The following COL9A1 variants were observed in gnomAD, a reference collection of about 807,000 sequenced individuals.
The protein encoded by COL9A1 is collagen type IX alpha 1 chain, also known as collagen alpha-1(IX) chain.
A neutral mutation model predicts 142.6 loss-of-function variants in COL9A1; 104 were observed. The ratio of observed to expected loss-of-function variants is 0.73; its 90% CI spans 0.62 to 0.86. The LOEUF (loss-of-function observed/expected upper bound fraction) is 0.86. Among genes scored for constraint, COL9A1 ranks in the 40% least tolerant of loss-of-function variants. The pLI is 0.00. For synonymous variants in COL9A1, 466 were observed against 396.0 expected (o/e 1.18, Z -2.10); for missense variants, 1,210 against 1,176.6 (o/e 1.03, Z -0.42).
chr6:70,293,033 GA>G (rs1308629578), intron 5 of COL9A1, among the ~76,000 whole-genome samples: 13 of 152,274 alleles, frequency 8.5e-5, no homozygotes, highest in African/African-American at 3.1e-4. Context: ...TTCTTCCCTT[GA>G]AAACAAGTTA....
At chr6:70,221,990 C>T (rs1768907309) in intron 37 of COL9A1, among the ~76,000 whole-genome samples, 1 of 152,142 alleles carries the variant, frequency 6.6e-6, no homozygotes, top group Admixed American at 6.5e-5. Context: ...AATTATGGGA[C>T]ATGCTCAATT....
At chr6:70,266,832 T>C in intron 17 of COL9A1, 62 bp from the exon 18 acceptor site, 1 of 1,365,688 alleles carries the variant, frequency 7.3e-7, no homozygotes, top group South Asian at 1.2e-5. Context: ...AGAAGGCTCA[T>C]AAAGTGATCC....
intron 19 of COL9A1, among the ~76,000 whole-genome samples, chr6:70,261,916 A>G (rs1771715032): frequency 6.6e-6 from 1 of 152,180 alleles, no homozygotes; most frequent in Non-Finnish European, 1.5e-5. Flanking sequence ...ATATTTGTGC[A>G]TGTACATTTA....
intron 37 of COL9A1, among the ~76,000 whole-genome samples, chr6:70,220,148 A>G (rs907567379): frequency 2.0e-5 from 3 of 152,204 alleles, no homozygotes; most frequent in Non-Finnish European, 2.9e-5. Flanking sequence ...TGTCATCATC[A>G]TCATCATCAT....
intron 21 of COL9A1, 86 bp downstream of exon 21, chr6:70,256,682 A>G: frequency 4.8e-6 from 5 of 1,048,278 alleles, no homozygotes; most frequent in Admixed American, 2.1e-5. Flanking sequence ...TTAATTATTC[A>G]CACATAAACA....
At position 70,295,419 on chromosome 6, in the gene COL9A1, T is replaced by A. The variant is rs553060966; in HGVS notation, c.300-856A>T. Among the ~76,000 whole-genome samples the A allele has an allele frequency of 4.0e-5, 6 of 150,432 alleles. No individual in the cohort carries two copies. The South Asian group carries it at 1.3e-3, about 32-fold the overall frequency. On this transcript the variant is annotated intron_variant, in intron 4 of 37. Coordinates refer to ENST00000357250, the MANE Select transcript of COL9A1 (RefSeq NM_001851.6). ...CTCCTGCCTCAGCCTTCCAAGTAGG[T>A]GGGATTACAGGCGCCCACCATTATG...
rs2242589 is a variant in COL9A1, at chr6:70,302,128, C to T, written c.15-54G>A. The T allele has an allele frequency of 0.48, 573,108 of 1,182,964 alleles. 138,806 individuals are homozygous for T. Among genetic ancestry groups the T allele is most frequent in the Middle Eastern group, 0.56 (2,805 of 4,978 alleles). 73.3% of individuals were successfully genotyped at this position (1,182,964 alleles called of 1,614,324 possible). On this transcript the variant is annotated intron_variant, in intron 1 of 37. Transcript: ENST00000357250. ...AACAGGAGTCCCCGCAGATGGAAAA[C>T]ACTTCCATATTTTCAAACCTAGTAA...
rs1032780767 is a variant in COL9A1, at chr6:70,234,921, G to C, written c.2132C>G (p.Pro711Arg). The change falls in exon 34 of 38, where the codon CCT (proline) becomes CGT (arginine). Residue 711 changes from proline (P) to arginine (R), a missense_variant. Pro to Arg is a moderately radical substitution (Grantham distance 103, BLOSUM62 -2). Transcript: ENST00000357250. ...PKGSAGNPGE[P>R]GLRGPEGSRG... is the part of the protein sequence containing the mutation. ...ACTTCCCTCAGGCCCTCTCAAGCCA[G>C]GTTCCCCAGGATTACCTGCCTGGAA... is the stretch of plus-strand genomic sequence containing the variant. The C allele has an allele frequency of 3.7e-6, 6 of 1,614,160 alleles. No homozygotes were observed. Among genetic ancestry groups the C allele is most frequent in the Non-Finnish European group, 4.2e-6 (5 of 1,180,034 alleles).
intron 10 of COL9A1, chr6:70,274,974 T>C: frequency 3.5e-6 from 2 of 579,134 alleles, no homozygotes; most frequent in Non-Finnish European, 6.1e-6. Context: ...TTATTTCTTC[T>C]TGATAAGTTG....
At chr6:70,290,862 C>A (rs945958883) in intron 5 of COL9A1, among the ~76,000 whole-genome samples, 33 of 152,072 alleles carry the variant, frequency 2.2e-4, no homozygotes, top group Admixed American at 2.1e-3. Context: ...TAAAACCACA[C>A]TTTTTCTTAT....
intron 36 of COL9A1, among the ~76,000 whole-genome samples, chr6:70,227,656 T>C (rs1769320305): frequency 1.3e-5 from 2 of 151,932 alleles, no homozygotes; most frequent in South Asian, 4.1e-4. Context: ...AAAGATGGAG[T>C]GTATGCTGCT....
intron 33 of COL9A1, among the ~76,000 whole-genome samples, chr6:70,235,644 A>G (rs1365209216): frequency 6.6e-6 from 1 of 152,192 alleles, no homozygotes; most frequent in African/African-American, 2.4e-5. Flanking sequence ...CCTACAAAAT[A>G]TGTTACTTTG....
chr6:70,267,132 G>T (rs529804747), intron 17 of COL9A1, among the ~76,000 whole-genome samples: 2 of 152,186 alleles, frequency 1.3e-5, no homozygotes, highest in African/African-American at 4.8e-5. Context: ...TAACCTTTCA[G>T]AAGTGACAGC....
intron 6 of COL9A1, chr6:70,283,137 G>A: frequency 6.5e-7 from 1 of 1,530,208 alleles, no homozygotes; most frequent in Non-Finnish European, 8.8e-7. Context: ...AGCATAGGTG[G>A]CACTTCGTCC....
intron 26 of COL9A1, 40 bp from the exon 27 acceptor site, chr6:70,252,355 A>G (rs1173836376): frequency 1.9e-6 from 3 of 1,572,566 alleles, no homozygotes; most frequent in Admixed American, 1.7e-5. Flanking sequence ...CTCATGCTGA[A>G]GTAAGCATAA....
intron 5 of COL9A1, among the ~76,000 whole-genome samples, chr6:70,292,618 T>C (rs997081700): frequency 5.3e-5 from 8 of 152,202 alleles, no homozygotes; most frequent in African/African-American, 1.9e-4. Flanking sequence ...TAATAGCATC[T>C]TAGCTCACAG....
intron 6 of COL9A1, chr6:70,283,201 A>G (rs1003915043): frequency 6.8e-6 from 10 of 1,469,514 alleles, no homozygotes; most frequent in Non-Finnish European, 9.0e-6. Context: ...CAGGCCCGGG[A>G]GGCGCGCGTT....
chr6:70,231,169 G>A (rs544918424), intron 36 of COL9A1, among the ~76,000 whole-genome samples: 59 of 152,236 alleles, frequency 3.9e-4, no homozygotes, highest in African/African-American at 1.3e-3. Context: ...TGGTGACTCC[G>A]CTGCTCCGGG....
chr6:70,292,039 T>TA (rs770916987), intron 5 of COL9A1, among the ~76,000 whole-genome samples: 2 of 152,196 alleles, frequency 1.3e-5, no homozygotes. Context: ...GATGATGTTT[T>TA]AAAAAAGTGT....
Sources: gnomAD v4.1 joint callset for allele counts (sites outside exome capture counted in the v4.1 genomes callset) on GRCh38, gnomAD v4.1.1 for gene constraint, MANE v1.5 for transcripts, NCBI Gene and HGNC (gene_info 2026-07-23, HGNC 2026-07-21) for gene names.